Variants in SCN1A observed in about 807,000 individuals in gnomAD.
SCN1A encodes the protein sodium voltage-gated channel alpha subunit 1.
In SCN1A, 13 loss-of-function variants were observed where a neutral mutation model predicts 193.7. That is an observed-to-expected ratio of 0.07 (90% confidence interval 0.04 to 0.11). The LOEUF (loss-of-function observed/expected upper bound fraction) is 0.11, where lower values mean the gene tolerates loss of function less well. SCN1A is among the 10% of genes least tolerant of loss of function. SCN1A has a pLI of 1.00. For synonymous variants in SCN1A, 781 were observed against 843.6 expected, an observed-to-expected ratio of 0.93 and a Z score of 1.29; for missense variants, 1,432 against 2,451.1, an observed-to-expected ratio of 0.58 and a Z score of 8.78.
At chr2:166,034,252 C>T (rs1381063401) in intron 19 of SCN1A, among the ~76,000 whole-genome samples, 1 of 152,124 alleles carries the variant, frequency 6.6e-6, no homozygotes, top group Non-Finnish European at 1.5e-5. Flanking sequence ...ATGCTAGGGT[C>T]AGGGCAGCTG....
Position 166,043,855 on chromosome 2 carries a change from G to A in SCN1A, c.1857C>T (p.Asn619=), listed in dbSNP as rs1697445266. 1 of 1,614,158 alleles carries A rather than the reference G, an allele frequency of 6.2e-7. No individual in the cohort carries two copies. The highest frequency in any genetic ancestry group is 8.5e-7 in the Non-Finnish European group (1 of 1,180,014). ...FVPRRHGERR[N]SNLSQTSRSS... Reference sequence around the variant, plus strand: ...ACCTACTGGTCTGACTCAGGTTGCTGTTGCGTCTCTCTCCGTGTCGTCGGG... The same window carrying A: ...ACCTACTGGTCTGACTCAGGTTGCTATTGCGTCTCTCTCCGTGTCGTCGGG... Residue 619 remains asparagine (N), a synonymous_variant, in exon 14 of 29, where the codon AAC becomes AAT. Coordinates refer to ENST00000674923, the MANE Select transcript of SCN1A (RefSeq NM_001165963.4).
intron 19 of SCN1A, among the ~76,000 whole-genome samples, chr2:166,033,251 A>T (rs1209680268): frequency 6.6e-6 from 1 of 152,190 alleles, no homozygotes; most frequent in Non-Finnish European, 1.5e-5. Context: ...AAGCTGAAAC[A>T]GTCTTTCTGA....
intron 17 of SCN1A, among the ~76,000 whole-genome samples, chr2:166,038,423 C>A (rs1022217687): frequency 6.6e-6 from 1 of 151,988 alleles, no homozygotes; most frequent in Non-Finnish European, 1.5e-5. Context: ...TCACTGCAAC[C>A]TCTGCCTCCC....
At chr2:166,147,137 C>T (rs1692357828) in intron 1 of SCN1A, among the ~76,000 whole-genome samples, 1 of 152,110 alleles carries the variant, frequency 6.6e-6, no homozygotes, top group African/African-American at 2.4e-5. Context: ...AACATGCATT[C>T]CTAGCAAGTT....
chr2:166,042,635 T>C (rs1392755231), intron 14 of SCN1A, among the ~76,000 whole-genome samples: 1 of 152,214 alleles, frequency 6.6e-6, no homozygotes, highest in African/African-American at 2.4e-5. Context: ...ACCAAGATGT[T>C]AACTTCCTGA....
At chr2:166,009,587 G>T in intron 23 of SCN1A, 132 bp downstream of exon 23, 1 of 731,898 alleles carries the variant, frequency 1.4e-6, no homozygotes, top group Non-Finnish European at 2.1e-6. Context: ...ATATGCAACA[G>T]ATAAAACAAT....
intron 2 of SCN1A, among the ~76,000 whole-genome samples, chr2:166,098,569 C>G (rs1687664478): frequency 1.3e-5 from 2 of 152,134 alleles, no homozygotes; most frequent in Non-Finnish European, 2.9e-5. Flanking sequence ...CAAACTATCT[C>G]TCTTTGAAAA....
chr2:166,044,948 G>T, intron 13 of SCN1A, 95 bp downstream of exon 13: 1 of 1,338,866 alleles, frequency 7.5e-7, no homozygotes, highest in Non-Finnish European at 1.1e-6. Context: ...GGTTGATTCA[G>T]TTGATAAAAA....
chr2:166,051,671 C>T (rs761928392), intron 9 of SCN1A, 48 bp downstream of exon 9: 2 of 1,433,156 alleles, frequency 1.4e-6, no homozygotes, highest in East Asian at 4.7e-5. Flanking sequence ...GTGTTACAAA[C>T]AATCCAATTC....
intron 2 of SCN1A, among the ~76,000 whole-genome samples, chr2:166,082,294 C>A (rs763784315): frequency 2.0e-5 from 3 of 152,008 alleles, no homozygotes; most frequent in Non-Finnish European, 2.9e-5. Flanking sequence ...CCAGGTTACG[C>A]AGCTTATTAA....
At chr2:166,094,480 C>G (rs1687160068) in intron 2 of SCN1A, among the ~76,000 whole-genome samples, 1 of 152,124 alleles carries the variant, frequency 6.6e-6, no homozygotes, top group Non-Finnish European at 1.5e-5. Flanking sequence ...TATATAATCT[C>G]TTGGCAGAAA....
At chr2:166,057,821 A>C (rs923160699) in intron 5 of SCN1A, among the ~76,000 whole-genome samples, 2 of 152,086 alleles carry the variant, frequency 1.3e-5, no homozygotes, top group African/African-American at 4.8e-5. Flanking sequence ...AGATACAATC[A>C]GAAGTGAATT....
chr2:166,066,949 A>C (rs1683906775), intron 4 of SCN1A, among the ~76,000 whole-genome samples: 2 of 152,070 alleles, frequency 1.3e-5, no homozygotes, highest in South Asian at 4.1e-4. Flanking sequence ...CCCCAACCTC[A>C]CCTTATTCTC....
rs1553534085 is a variant in SCN1A at position 166,015,643 on chromosome 2, C to T, written c.3514G>A (p.Glu1172Lys). ...CAAGCTTCTGGTTCAAGAGTTTCTTCAGGTTCCACTACGGGCTGTTCTTCT... is the reference window on the plus strand; with the variant it reads ...CAAGCTTCTGGTTCAAGAGTTTCTTTAGGTTCCACTACGGGCTGTTCTTCT... Reference protein sequence around the residue: ...PVEEQPVVEPEETLEPEACFT... With the variant: ...PVEEQPVVEPKETLEPEACFT... Residue 1172 changes from glutamate to lysine, a missense_variant, in exon 20 of 29, where the codon GAA (glutamate) becomes AAA (lysine). By Grantham distance (56) the Glu-to-Lys change is moderately conservative. Transcript: ENST00000674923. The T allele has an allele frequency of 2.5e-6, 4 of 1,612,834 alleles. No individual in the cohort carries two copies. The highest frequency in any genetic ancestry group is 3.4e-6 in the Non-Finnish European group (4 of 1,179,024).
At chr2:166,124,832 C>G (rs1273743051) in intron 2 of SCN1A, among the ~76,000 whole-genome samples, 1 of 152,220 alleles carries the variant, frequency 6.6e-6, no homozygotes, top group Non-Finnish European at 1.5e-5. Flanking sequence ...TTGAACCTCA[C>G]TGTGCCTTGG....
intron 23 of SCN1A, among the ~76,000 whole-genome samples, chr2:166,003,891 A>C (rs1012279787): frequency 7.3e-5 from 11 of 151,126 alleles, no homozygotes; most frequent in Non-Finnish European, 1.3e-4. Flanking sequence ...AAAAAAATAC[A>C]TGAGCCAATT....
At chr2:166,146,636 C>T (rs1692334367) in intron 1 of SCN1A, among the ~76,000 whole-genome samples, 1 of 152,182 alleles carries the variant, frequency 6.6e-6, no homozygotes, top group African/African-American at 2.4e-5. Context: ...GTCAATAGTA[C>T]TGAGTTGAGA....
At chr2:166,042,543 T>C (rs972207332) in intron 14 of SCN1A, 119 bp from the exon 15 acceptor site, 17 of 888,654 alleles carry the variant, frequency 1.9e-5, no homozygotes, top group South Asian at 1.1e-4. Flanking sequence ...TCATATTCAA[T>C]TGGTGATGGC....
chr2:165,994,005 AAAAC>A (rs1205019438), intron 28 of SCN1A, 137 bp downstream of exon 28: 2 of 741,780 alleles, frequency 2.7e-6, no homozygotes, highest in Admixed American at 5.5e-5. Flanking sequence ...TTTTGTTAAA[AAAAC>A]AAACACACTT....
Sources: gnomAD v4.1 joint callset for allele counts (sites outside exome capture counted in the v4.1 genomes callset) on GRCh38, gnomAD v4.1.1 for gene constraint, MANE v1.5 for transcripts, NCBI Gene and HGNC (gene_info 2026-07-23, HGNC 2026-07-21) for gene names.